The following FRMD6 variants were observed in gnomAD, a reference collection of about 807,000 sequenced individuals.
FRMD6 encodes FERM domain-containing protein 6.
In FRMD6, 37 loss-of-function variants were observed where a neutral mutation model predicts 73.2. That is an observed-to-expected ratio of 0.51 (90% CI 0.39 to 0.66). The LOEUF (loss-of-function observed/expected upper bound fraction) is 0.66. Ranked by LOEUF, FRMD6 falls within the 30% of genes least tolerant of loss-of-function variation. The probability of loss-of-function intolerance (pLI) is 0.00; values close to 1 mark genes in which losing one functional copy is unlikely to be tolerated. For synonymous variants in FRMD6, 273 were observed against 282.2 expected (o/e 0.97, Z 0.33); for missense variants, 714 against 780.5 (o/e 0.91, Z 1.02).
At chr14:51,406,319 TG>T in the FRMD6 span, among the ~76,000 whole-genome samples, 2 of 152,166 alleles carry the variant, frequency 1.3e-5, no homozygotes, top group African/African-American at 4.8e-5. Flanking sequence ...TGCTCTTTTT[TG>T]GTTCCTTAAG....
At chr14:51,463,704 C>G in the FRMD6 span, among the ~76,000 whole-genome samples, 1 of 152,230 alleles carries the variant, frequency 6.6e-6, no homozygotes, top group Admixed American at 6.5e-5. Flanking sequence ...TGGCACTCTA[C>G]CAGACACATT....
chr14:51,630,050 T>C (rs1891279008), intron 2 of FRMD6, among the ~76,000 whole-genome samples: 1 of 152,184 alleles, frequency 6.6e-6, no homozygotes, highest in South Asian at 2.1e-4. Flanking sequence ...TTGAAGTAGA[T>C]TCCTTTAGTT....
the FRMD6 span, among the ~76,000 whole-genome samples, chr14:51,432,030 T>C: frequency 6.6e-6 from 1 of 152,220 alleles, no homozygotes; most frequent in Admixed American, 6.5e-5. Context: ...TTTAATTTGA[T>C]AATGGTACTA....
At chr14:51,653,996 C>CT (rs1892631214) in intron 1 of FRMD6, among the ~76,000 whole-genome samples, 1 of 152,136 alleles carries the variant, frequency 6.6e-6, no homozygotes, top group Non-Finnish European at 1.5e-5. Context: ...GCAAGAATCT[C>CT]TGAGATCTGA....
intron 1 of FRMD6, among the ~76,000 whole-genome samples, chr14:51,525,594 C>G (rs1048054494): frequency 5.3e-5 from 8 of 152,048 alleles, no homozygotes; most frequent in African/African-American, 1.9e-4. Context: ...TTTTAAAGAC[C>G]CTTCTTTCTT....
intron 9 of FRMD6, chr14:51,714,200 T>A (rs1407802373): frequency 6.6e-6 from 1 of 152,188 alleles, no homozygotes; most frequent in Non-Finnish European, 1.5e-5. Context: ...TCCCTAGACT[T>A]GCTTTGAGGA....
chr14:51,509,077 T>A (rs961662323), intron 1 of FRMD6, among the ~76,000 whole-genome samples: 27 of 152,194 alleles, frequency 1.8e-4, no homozygotes, highest in Non-Finnish European at 4.4e-5. Flanking sequence ...CTCACCATCA[T>A]TCAAAACATT....
In FRMD6 at chr14:51,638,167, G is replaced by A. The variant is rs552069319; in HGVS notation, c.-146-51524G>A. Among the ~76,000 whole-genome samples the A allele has an allele frequency of 9.9e-5, 15 of 152,200 alleles. No individual in the cohort carries two copies. In the South Asian group the frequency reaches 1.7e-3, roughly 17 times the overall value. ...AGTGTGGTTGCATAAGCCTGTAGTC[G>A]TCACTACTTGGAAGGCTGAGGTGGG... On this transcript the variant is annotated intron_variant, in intron 2 of 14. Transcript: ENST00000356218.
chr14:51,532,233 G>T (rs1885626327), intron 1 of FRMD6, among the ~76,000 whole-genome samples: 1 of 152,030 alleles, frequency 6.6e-6, no homozygotes, highest in African/African-American at 2.4e-5. Context: ...GCCTGGCGTG[G>T]TGGCGGGCAC....
intron 1 of FRMD6, among the ~76,000 whole-genome samples, chr14:51,524,625 G>A (rs1394976325): frequency 1.3e-5 from 2 of 152,026 alleles, no homozygotes; most frequent in Non-Finnish European, 2.9e-5. Flanking sequence ...TTGCAAATTG[G>A]GCAGCCCCCT....
chr14:51,452,256 C>T, the FRMD6 span, among the ~76,000 whole-genome samples: 3 of 152,024 alleles, frequency 2.0e-5, no homozygotes, highest in East Asian at 1.9e-4. Flanking sequence ...TGAAGGGGGC[C>T]GAGTCAAAGG....
chr14:51,467,104 G>C, the FRMD6 span, among the ~76,000 whole-genome samples: 1 of 152,182 alleles, frequency 6.6e-6, no homozygotes, highest in Non-Finnish European at 1.5e-5. Flanking sequence ...CCTAGGCAGA[G>C]GGCCCTGCCG....
chr14:51,650,666 AT>A (rs1892310797), upstream of FRMD6: 1 of 151,182 alleles, frequency 6.6e-6, no homozygotes, highest in South Asian at 2.1e-4. Flanking sequence ...AAGTGCTGGG[AT>A]TACAGGCGTG....
chr14:51,416,202 A>G, the FRMD6 span, among the ~76,000 whole-genome samples: 2 of 151,938 alleles, frequency 1.3e-5, no homozygotes, highest in Non-Finnish European at 2.9e-5. Context: ...TAGCTTTTGA[A>G]TTTGTTTGCT....
At chr14:51,674,349 A>C (rs1894233689) in intron 1 of FRMD6, among the ~76,000 whole-genome samples, 1 of 152,170 alleles carries the variant, frequency 6.6e-6, no homozygotes, top group South Asian at 2.1e-4. Flanking sequence ...GGTGATTCCA[A>C]GGCAATTAAT....
At chr14:51,557,097 G>A (rs1887175152) in intron 1 of FRMD6, among the ~76,000 whole-genome samples, 1 of 152,080 alleles carries the variant, frequency 6.6e-6, no homozygotes, top group Non-Finnish European at 1.5e-5. Context: ...TTTAGCCTGG[G>A]CAACATAGTG....
At chr14:51,514,361 G>T (rs1037361682) in intron 1 of FRMD6, among the ~76,000 whole-genome samples, 9 of 152,006 alleles carry the variant, frequency 5.9e-5, no homozygotes, top group African/African-American at 1.9e-4. Flanking sequence ...TAGGGGGCAA[G>T]GGGAGGGAGA....
chr14:51,457,635 A>T, the FRMD6 span, among the ~76,000 whole-genome samples: 1 of 152,222 alleles, frequency 6.6e-6, no homozygotes, highest in Non-Finnish European at 1.5e-5. Flanking sequence ...TACAAGTGTT[A>T]GGTGTAGGTT....
At chr14:51,608,109 C>T (rs1296398720) in intron 2 of FRMD6, among the ~76,000 whole-genome samples, 1 of 152,176 alleles carries the variant, frequency 6.6e-6, no homozygotes. Context: ...AAGGAGACTG[C>T]GGTGATTTGG....
Sources: gnomAD v4.1 joint callset for allele counts (sites outside exome capture counted in the v4.1 genomes callset) on GRCh38, gnomAD v4.1.1 for gene constraint, MANE v1.5 for transcripts, NCBI Gene and HGNC (gene_info 2026-07-23, HGNC 2026-07-21) for gene names.